SOX5: variants seen among roughly 807,000 people sequenced by gnomAD.
The protein encoded by SOX5 is transcription factor SOX-5.
SOX5 carries 9 observed loss-of-function variants against 92.0 expected under a neutral mutation model. That is an observed-to-expected ratio of 0.10 (90% CI 0.06 to 0.17). The LOEUF (loss-of-function observed/expected upper bound fraction) is 0.17, where lower values mean the gene tolerates loss of function less well. SOX5 is among the 10% of genes least tolerant of loss of function. The pLI, the probability that SOX5 is intolerant of heterozygous loss-of-function variation, is 1.00. For missense variants in SOX5, 642 were observed against 944.5 expected (o/e 0.68, Z 4.20); for synonymous variants, 344 against 336.3 (o/e 1.02, Z -0.25).
At chr12:23,582,500 T>C (rs1950185006) in intron 9 of SOX5, among the ~76,000 whole-genome samples, 1 of 152,274 alleles carries the variant, frequency 6.6e-6, no homozygotes, top group East Asian at 1.9e-4. Context: ...TCCTTATTAG[T>C]AGGTTCCTAA....
At position 23,962,529 on chromosome 12, in the gene SOX5, T is replaced by A. The variant is rs553352279; in HGVS notation, c.-1-66505A>T. Among the ~76,000 whole-genome samples, 182 of 152,344 alleles carry A rather than the reference T, an allele frequency of 1.2e-3. 1 individual carries two copies. Among genetic ancestry groups the A allele is most frequent in the African/African-American group, 4.3e-3 (177 of 41,584 alleles). The stretch of plus-strand genomic sequence containing the variant: ...TGATGAAAGAAACAATGCTGAAATT[T>A]AAAAATGTCTAAAATATTTGAGAAA... On this transcript the variant is annotated intron_variant, in intron 4 of 4. Transcript: ENST00000446891.
Position 24,007,681 on chromosome 12 carries a change from TTATATATAAATGTATATAAATGTATTTA to T in SOX5, c.-1-111685_-1-111658del, listed in dbSNP as rs1569475382. ...TATATATAAATGTATATAAATGTAT[TTATATATAAATGTATATAAATGTATTTA>T]TATATATAAATGTATATAAATGTAT... On this transcript the variant is annotated intron_variant, in intron 4 of 4. Transcript: ENST00000446891. Among the ~76,000 whole-genome samples, 2 of 2,160 alleles carry T rather than the reference TTATATATAAATGTATATAAATGTATTTA, an allele frequency of 9.3e-4. 1 individual carries two copies. Among genetic ancestry groups the T allele is most frequent in the African/African-American group, 9.8e-4 (2 of 2,044 alleles). 1.4% of individuals were successfully genotyped at this position (2,160 alleles called of 152,430 possible). A position where few individuals can be genotyped will look rare whatever the true frequency, so the allele number is the denominator to read the frequency against.
At chr12:23,617,089 C>T (rs1479239019) in intron 8 of SOX5, among the ~76,000 whole-genome samples, 2 of 146,650 alleles carry the variant, frequency 1.4e-5, no homozygotes, top group African/African-American at 5.0e-5. Context: ...TGTGGCACTG[C>T]ACTCCAGGCC....
chr12:23,607,159 A>G (rs1308558015), intron 8 of SOX5, among the ~76,000 whole-genome samples: 1 of 152,112 alleles, frequency 6.6e-6, no homozygotes, highest in Non-Finnish European at 1.5e-5. Context: ...ACATCACTGC[A>G]TTTTCCACCA....
chr12:23,857,876 G>A (rs1595100779), intron 2 of SOX5, among the ~76,000 whole-genome samples: 1 of 152,012 alleles, frequency 6.6e-6, no homozygotes. Context: ...GGGATTACAG[G>A]TGCCTGCCAC....
intron 2 of SOX5, among the ~76,000 whole-genome samples, chr12:23,883,024 A>C (rs1162404738): frequency 6.6e-6 from 1 of 152,118 alleles, no homozygotes; most frequent in Admixed American, 6.5e-5. Flanking sequence ...TACTAAAAAT[A>C]CAAAAAATAA....
intron 13 of SOX5, among the ~76,000 whole-genome samples, chr12:23,538,427 A>G (rs938811071): frequency 2.0e-5 from 3 of 152,252 alleles, no homozygotes; most frequent in Middle Eastern, 3.4e-3. Flanking sequence ...CCTTTCGTAA[A>G]CTTCTGTTTA....
At chr12:24,327,411 T>TGAGA in intron 2 of SOX5, among the ~76,000 whole-genome samples, 5 of 52,684 alleles carry the variant, frequency 9.5e-5, no homozygotes, top group Non-Finnish European at 1.4e-4. Flanking sequence ...TTTTTTTTTT[T>TGAGA]TTTTTTTTTT....
At chr12:24,285,271 C>T (rs1411365834) in intron 2 of SOX5, among the ~76,000 whole-genome samples, 1 of 151,990 alleles carries the variant, frequency 6.6e-6, no homozygotes, top group Non-Finnish European at 1.5e-5. Context: ...ATTCTGAGCT[C>T]CTTTGAAGTA....
intron 6 of SOX5, among the ~76,000 whole-genome samples, chr12:23,696,486 A>G (rs7295225): frequency 0.3 from 45,802 of 151,882 alleles, 8,391 homozygotes; most frequent in Admixed American, 0.42. Context: ...TACAATTTCA[A>G]ATTTGTGTCT....
At chr12:24,116,571 T>C (rs1163187912) in intron 4 of SOX5, among the ~76,000 whole-genome samples, 1 of 152,208 alleles carries the variant, frequency 6.6e-6, no homozygotes, top group Non-Finnish European at 1.5e-5. Flanking sequence ...TGTGGATTAT[T>C]GCCTATGCTA....
intron 2 of SOX5, among the ~76,000 whole-genome samples, chr12:24,316,845 C>T (rs1261438680): frequency 6.6e-6 from 1 of 151,902 alleles, no homozygotes; most frequent in African/African-American, 2.4e-5. Context: ...GTACAAACCC[C>T]TTCTAGTGTG....
chr12:24,158,802 T>C (rs569541038), intron 4 of SOX5, among the ~76,000 whole-genome samples: 2 of 152,012 alleles, frequency 1.3e-5, no homozygotes, highest in African/African-American at 4.8e-5. Flanking sequence ...GGTGACAGCA[T>C]TTATGTCACC....
At chr12:23,647,386 T>G (rs2081006541) in intron 7 of SOX5, among the ~76,000 whole-genome samples, 1 of 152,220 alleles carries the variant, frequency 6.6e-6, no homozygotes, top group Non-Finnish European at 1.5e-5. Flanking sequence ...AGCTTAATTC[T>G]TAAAAAAACT....
At chr12:23,823,517 AC>A (rs2096167683) in intron 3 of SOX5, among the ~76,000 whole-genome samples, 1 of 152,080 alleles carries the variant, frequency 6.6e-6, no homozygotes, top group African/African-American at 2.4e-5. Flanking sequence ...TTTGTGGGTA[AC>A]CCTACTTTTC....
chr12:24,486,919 G>A (rs1946582611), intron 1 of SOX5, among the ~76,000 whole-genome samples: 2 of 152,132 alleles, frequency 1.3e-5, no homozygotes, highest in African/African-American at 4.8e-5. Context: ...ACTCCCCCCA[G>A]CTGAGATGAA....
intron 3 of SOX5, among the ~76,000 whole-genome samples, chr12:23,771,957 C>T (rs765719225): frequency 6.6e-6 from 1 of 152,156 alleles, no homozygotes; most frequent in Non-Finnish European, 1.5e-5. Flanking sequence ...ATTTGAGGTG[C>T]TCATATAAAT....
At chr12:24,097,375 A>G (rs1945552277) in intron 4 of SOX5, among the ~76,000 whole-genome samples, 1 of 152,056 alleles carries the variant, frequency 6.6e-6, no homozygotes, top group East Asian at 1.9e-4. Context: ...GTTTTTTTAT[A>G]AAGTCCAGTT....
intron 8 of SOX5, among the ~76,000 whole-genome samples, chr12:23,621,645 G>T (rs923428999): frequency 1.3e-5 from 2 of 152,042 alleles, no homozygotes; most frequent in African/African-American, 2.4e-5. Flanking sequence ...GTAAAAGAAG[G>T]TTGGAAATAT....
Sources: gnomAD v4.1 joint callset for allele counts (sites outside exome capture counted in the v4.1 genomes callset) on GRCh38, gnomAD v4.1.1 for gene constraint, MANE v1.5 for transcripts, NCBI Gene and HGNC (gene_info 2026-07-23, HGNC 2026-07-21) for gene names.